The following MREG variants were observed in gnomAD, a reference collection of about 807,000 sequenced individuals.
MREG encodes melanoregulin.
MREG carries 31 observed loss-of-function variants against 28.5 expected under a neutral mutation model. That is an observed-to-expected ratio of 1.09 (90% CI 0.82 to 1.47). The LOEUF is 1.47. Ranked by LOEUF, MREG falls within the 40% of genes most tolerant of loss-of-function variation. The probability of loss-of-function intolerance (pLI) is 0.00; values close to 1 mark genes in which losing one functional copy is unlikely to be tolerated. For missense variants in MREG, 256 were observed against 257.4 expected, an observed-to-expected ratio of 0.99 and a Z score of 0.04; for synonymous variants, 106 against 95.2, an observed-to-expected ratio of 1.11 and a Z score of -0.66.
Position 215,982,463 on chromosome 2 carries a change from C to G in MREG, c.255+13843G>C, listed in dbSNP as rs139682573. Among the ~76,000 whole-genome samples the G allele has an allele frequency of 5.0e-3, 760 of 151,946 alleles. 3 individuals are homozygous for G. Among genetic ancestry groups the G allele is most frequent in the African/African-American group, 0.017 (723 of 41,492 alleles). On this transcript the variant is annotated intron_variant, in intron 2 of 4. Transcript: ENST00000263268. ...AATAGAAACATCACAGACCGATGAA[C>G]AGAACATCTTCTGGTATAATCCATG...
intron 1 of MREG, among the ~76,000 whole-genome samples, chr2:216,000,367 A>G (rs1312891672): frequency 6.6e-6 from 1 of 151,990 alleles, no homozygotes; most frequent in Admixed American, 6.5e-5. Context: ...TCAGATAATA[A>G]CTACCTGTGT....
intron 2 of MREG, among the ~76,000 whole-genome samples, chr2:215,950,362 C>T (rs915509264): frequency 3.3e-5 from 5 of 152,196 alleles, no homozygotes; most frequent in African/African-American, 9.7e-5. Context: ...TAAATATCTA[C>T]AATGAATGTT....
intron 2 of MREG, among the ~76,000 whole-genome samples, chr2:215,983,025 A>C (rs1693471213): frequency 6.6e-6 from 1 of 152,198 alleles, no homozygotes; most frequent in Non-Finnish European, 1.5e-5. Context: ...AAATCCTCTA[A>C]ACCCAAATAG....
At chr2:215,941,145 C>T (rs1692192448), downstream of MREG, among the ~76,000 whole-genome samples, 2 of 151,400 alleles carry the variant, frequency 1.3e-5, no homozygotes, top group African/African-American at 4.8e-5. Context: ...TCAACATTCC[C>T]GCTTCCACAT....
At chr2:216,024,124 T>G (rs1694561252) in intron 1 of MREG, among the ~76,000 whole-genome samples, 1 of 152,178 alleles carries the variant, frequency 6.6e-6, no homozygotes, top group Non-Finnish European at 1.5e-5. Context: ...GCCGAGCCTT[T>G]CAGGGTCTTC....
chr2:215,992,991 A>G (rs1472843189), intron 2 of MREG, among the ~76,000 whole-genome samples: 1 of 152,238 alleles, frequency 6.6e-6, no homozygotes, highest in South Asian at 2.1e-4. Flanking sequence ...CATACTGCCC[A>G]AAGTAATTTA....
chr2:215,969,606 C>T (rs765362688), intron 2 of MREG, among the ~76,000 whole-genome samples: 35 of 152,298 alleles, frequency 2.3e-4, no homozygotes, highest in Non-Finnish European at 4.6e-4. Context: ...ACTTAGGGAA[C>T]CTGAATCTTT....
chr2:215,939,845 CAT>C (rs1692175505), downstream of MREG, among the ~76,000 whole-genome samples: 1 of 152,166 alleles, frequency 6.6e-6, no homozygotes. Flanking sequence ...TTCAGTTACA[CAT>C]ATGCATAATT....
intron 2 of MREG, among the ~76,000 whole-genome samples, chr2:215,991,394 G>C (rs1226799370): frequency 6.6e-6 from 1 of 152,184 alleles, no homozygotes; most frequent in Non-Finnish European, 1.5e-5. Flanking sequence ...CTAAAGCAGT[G>C]TTTAGAGGGA....
At chr2:216,015,692 C>G (rs904069583), upstream of MREG, among the ~76,000 whole-genome samples, 4 of 152,028 alleles carry the variant, frequency 2.6e-5, no homozygotes, top group Non-Finnish European at 4.4e-5. Context: ...GTGGTTTACA[C>G]CAGGGTGGTG....
intron 2 of MREG, among the ~76,000 whole-genome samples, chr2:215,958,277 T>A (rs1240426453): frequency 6.7e-6 from 1 of 148,224 alleles, no homozygotes; most frequent in Non-Finnish European, 1.5e-5. Flanking sequence ...TAAAAATAAA[T>A]AAATAAATAA....
At chr2:216,031,707 A>G (rs1311029906) in intron 1 of MREG, among the ~76,000 whole-genome samples, 1 of 149,304 alleles carries the variant, frequency 6.7e-6, no homozygotes, top group African/African-American at 2.5e-5. Flanking sequence ...GAAAGAAAGA[A>G]AGAAAGGGAA....
chr2:215,956,136 C>T (rs531216455), intron 2 of MREG, among the ~76,000 whole-genome samples: 40 of 152,132 alleles, frequency 2.6e-4, no homozygotes, highest in African/African-American at 8.7e-4. Flanking sequence ...ACTTTTAGGT[C>T]GAAAAAAATC....
upstream of MREG, among the ~76,000 whole-genome samples, chr2:216,017,879 G>C (rs1054193904): frequency 1.3e-5 from 2 of 152,044 alleles, no homozygotes; most frequent in African/African-American, 4.8e-5. Context: ...GCCCAGGCAC[G>C]GTGGCTCATG....
intron 2 of MREG, among the ~76,000 whole-genome samples, chr2:215,975,099 T>A (rs1481568120): frequency 6.7e-6 from 1 of 149,460 alleles, no homozygotes; most frequent in African/African-American, 2.4e-5. Context: ...AAAGCCTCCT[T>A]CCCTCCACCT....
At chr2:216,004,631 CTT>C (rs1412938661) in intron 1 of MREG, among the ~76,000 whole-genome samples, 1 of 152,082 alleles carries the variant, frequency 6.6e-6, no homozygotes, top group East Asian at 1.9e-4. Flanking sequence ...CCAATGCACT[CTT>C]GTTTCCCAAG....
At chr2:216,014,115 C>G (rs980423283), upstream of MREG, among the ~76,000 whole-genome samples, 1 of 152,112 alleles carries the variant, frequency 6.6e-6, no homozygotes, top group Non-Finnish European at 1.5e-5. Context: ...CAGCGGCATA[C>G]TCCACACATT....
chr2:215,974,825 G>GACACAC lies in MREG; in HGVS notation c.255+21475_255+21480dup, dbSNP rs71982102. On this transcript the variant is annotated intron_variant, in intron 2 of 4. Coordinates refer to ENST00000263268, the MANE Select transcript of MREG (RefSeq NM_018000.3). ...AAACACAGACACAGACACACACACA[G>GACACAC]ACACACACACACACACACACACACA... 7.6e-3 allele frequency among the ~76,000 whole-genome samples: 966 copies of GACACAC among 126,674 alleles called. 11 individuals carry two copies. Among genetic ancestry groups the GACACAC allele is most frequent in the African/African-American group, 0.026 (873 of 33,612 alleles). The allele number at this position is 126,674 out of a possible 152,430, so 83.1% of individuals were successfully genotyped here.
At chr2:216,031,667 GAA>G (rs765832154) in intron 1 of MREG, among the ~76,000 whole-genome samples, 2 of 80,136 alleles carry the variant, frequency 2.5e-5, no homozygotes, top group African/African-American at 1.1e-4. Context: ...AAGAAAGAAA[GAA>G]AGAAAGAAAG....
Sources: gnomAD v4.1 joint callset for allele counts (sites outside exome capture counted in the v4.1 genomes callset) on GRCh38, gnomAD v4.1.1 for gene constraint, MANE v1.5 for transcripts, NCBI Gene and HGNC (gene_info 2026-07-23, HGNC 2026-07-21) for gene names.